CENPE: variants seen among roughly 807,000 people sequenced by gnomAD.
The protein encoded by CENPE is centromere-associated protein E.
In CENPE, 145 loss-of-function variants were observed where a neutral mutation model predicts 336.1. The ratio of observed to expected loss-of-function variants is 0.43; its 90% CI spans 0.38 to 0.50. The LOEUF (loss-of-function observed/expected upper bound fraction) is 0.50. Among genes scored for constraint, CENPE ranks in the 20% least tolerant of loss-of-function variants. The pLI is 0.00. For synonymous variants in CENPE, 1,013 were observed against 984.8 expected, an observed-to-expected ratio of 1.03 and a Z score of -0.54; for missense variants, 2,719 against 3,023.3, an observed-to-expected ratio of 0.90 and a Z score of 2.36.
At chr4:103,163,424 G>T (rs553104229) in intron 17 of CENPE, 55 bp downstream of exon 17, 1 of 1,328,648 alleles carries the variant, frequency 7.5e-7, no homozygotes, top group Non-Finnish European at 1.1e-6. Flanking sequence ...TACATATGTT[G>T]CATGTTTTAT....
chr4:103,171,969 G>A (rs1578655866), intron 16 of CENPE, among the ~76,000 whole-genome samples: 1 of 151,928 alleles, frequency 6.6e-6, no homozygotes, highest in African/African-American at 2.4e-5. Context: ...ACTTGAATCA[G>A]TAATAAAAAG....
intron 46 of CENPE, among the ~76,000 whole-genome samples, chr4:103,111,448 A>G (rs72944921): frequency 0.01 from 1,552 of 152,290 alleles, 29 homozygotes; most frequent in African/African-American, 0.035. Context: ...AATACATATT[A>G]TTAACTAAAT....
intron 14 of CENPE, among the ~76,000 whole-genome samples, chr4:103,176,259 G>A (rs922635628): frequency 2.0e-5 from 3 of 152,104 alleles, no homozygotes; most frequent in African/African-American, 7.2e-5. Context: ...TGGAATTAGT[G>A]ACACAATACA....
In CENPE at chr4:103,151,284, T is replaced by C. The variant is rs767449693; in HGVS notation, c.3331A>G (p.Lys1111Glu). The change falls in exon 26 of 49, where the codon AAA becomes GAA. Residue 1111 changes from lysine to glutamate, a missense_variant. Lys to Glu is a moderately conservative substitution (Grantham distance 56, BLOSUM62 1). Around this residue, in one of 5 missense-constraint regions of CENPE, gnomAD observed 2,437 missense variants for 2,513.3 expected, o/e 0.97. Transcript: ENST00000265148. ...CAGGTCCTAGAAAGCTCTCCTTCTT[T>C]CTTTATGGCATGGTTCTTTTCTTGT... ...VAQEKNHAIK[K>E]EGELSRTCDR... is the part of the protein sequence containing the mutation. 9.3e-6 allele frequency: 15 copies of C among 1,607,040 alleles called. No individual in the cohort carries two copies. In the East Asian group the frequency reaches 2.2e-4, roughly 24 times the overall value.
At position 103,145,655 on chromosome 4, in the gene CENPE, T is replaced by G; in HGVS notation, c.4440A>C (p.Lys1480Asn). The change falls in exon 31 of 49, where the codon AAA becomes AAC. Residue 1480 changes from lysine to asparagine, a missense_variant. By Grantham distance (94) the Lys-to-Asn change is moderately conservative. Coordinates refer to ENST00000265148, the MANE Select transcript of CENPE (RefSeq NM_001813.3). Reference sequence around the variant, plus strand: ...GTTCTTTCAGGCAACAATGAGCAACTTTAAGTTCCTCTTCAGTTTCCAGGT... The same window carrying G: ...GTTCTTTCAGGCAACAATGAGCAACGTTAAGTTCCTCTTCAGTTTCCAGGT... Reference protein sequence around the residue: ...AKHLETEEELKVAHCCLKEQE... With the variant: ...AKHLETEEELNVAHCCLKEQE... 6.2e-7 allele frequency: 1 copy of G among 1,600,870 alleles called. No homozygotes were observed.
At chr4:103,156,742 A>T (rs1256053395) in intron 24 of CENPE, among the ~76,000 whole-genome samples, 5 of 152,146 alleles carry the variant, frequency 3.3e-5, no homozygotes, top group African/African-American at 1.2e-4. Context: ...ACTACATTGA[A>T]ATTAAAAACT....
chr4:103,166,413 T>G (rs1754925170), intron 16 of CENPE, among the ~76,000 whole-genome samples: 1 of 152,230 alleles, frequency 6.6e-6, no homozygotes, highest in Non-Finnish European at 1.5e-5. Flanking sequence ...CTAGTTTTAT[T>G]GATTAAAGTC....
At position 103,108,823 on chromosome 4, in the gene CENPE, G is replaced by C; in HGVS notation, c.7991C>G (p.Ser2664Ter). The change falls in exon 48 of 49, where the codon TCA becomes TGA. Residue 2664 changes from serine (S) to a stop codon, truncating the protein, a stop_gained. Transcript: ENST00000265148. LOFTEE classifies it low-confidence loss of function (END_TRUNC). Reference sequence around the variant, plus strand: ...CTTACCTGGACAAAGGCCTAAACTTGAGTTATCAAAATAGCGAACTGGATG... The same window carrying C: ...CTTACCTGGACAAAGGCCTAAACTTCAGTTATCAAAATAGCGAACTGGATG... ...SPHPVRYFDN[S>*]SLGLCPEVQN... 5 of 1,613,586 alleles carry C rather than the reference G, an allele frequency of 3.1e-6. No homozygotes were observed. Among genetic ancestry groups the C allele is most frequent in the Non-Finnish European group, 4.2e-6 (5 of 1,179,712 alleles).
At chr4:103,171,352 AATT>A (rs1755394108) in intron 16 of CENPE, among the ~76,000 whole-genome samples, 4 of 152,124 alleles carry the variant, frequency 2.6e-5, no homozygotes, top group Admixed American at 2.6e-4. Flanking sequence ...TAAAACTAGA[AATT>A]AATAATAGCA....
chr4:103,179,865 C>CA (rs1436296305), intron 13 of CENPE, among the ~76,000 whole-genome samples: 3 of 152,134 alleles, frequency 2.0e-5, no homozygotes, highest in Admixed American at 6.5e-5. Flanking sequence ...TAAAAACAAA[C>CA]AAAAAATCAC....
Position 103,139,772 on chromosome 4 carries a change from G to A in CENPE, c.6204+17C>T. 2 of 1,567,514 alleles carry A rather than the reference G, an allele frequency of 1.3e-6. No homozygotes were observed. The highest frequency in any genetic ancestry group is 1.7e-6 in the Non-Finnish European group (2 of 1,162,166). On this transcript the variant is annotated intron_variant, in intron 38 of 48. Transcript: ENST00000265148. ...TCTTATTAATAGTTACTACACAAAG[G>A]AAGACTCTGAACTCACTCTAGCTAT...
chr4:103,133,922 A>G (rs745346087), intron 40 of CENPE, 30 bp from the exon 41 acceptor site: 4 of 1,449,118 alleles, frequency 2.8e-6, no homozygotes, highest in Non-Finnish European at 3.8e-6. Flanking sequence ...CAAATTGGTA[A>G]ATGAAAATTT....
At chr4:103,136,712 T>C (rs1033184775) in intron 39 of CENPE, among the ~76,000 whole-genome samples, 4 of 152,222 alleles carry the variant, frequency 2.6e-5, no homozygotes, top group African/African-American at 9.6e-5. Context: ...TAAGTATGTA[T>C]TGTAGTTCAT....
intron 8 of CENPE, among the ~76,000 whole-genome samples, chr4:103,189,540 C>G (rs563138627): frequency 6.6e-6 from 1 of 152,226 alleles, no homozygotes; most frequent in South Asian, 2.1e-4. Flanking sequence ...AAGACAAAAA[C>G]CACATGATTA....
rs1750009549 is a variant in CENPE, at chr4:103,115,450, A to T, written c.7443-898T>A. Among the ~76,000 whole-genome samples the T allele has an allele frequency of 2.0e-5, 3 of 152,020 alleles. No individual in the cohort carries two copies. The South Asian group carries it at 6.2e-4, about 32-fold the overall frequency. On this transcript the variant is annotated intron_variant, in intron 45 of 48. Transcript: ENST00000265148. ...TGCCCGGCCCTGCTGACCCTATTCT[A>T]CAAGTAAAATTGTTTTTATAATTAA...
chr4:103,136,746 T>C (rs1752103887), intron 39 of CENPE, among the ~76,000 whole-genome samples: 1 of 152,224 alleles, frequency 6.6e-6, no homozygotes, highest in Non-Finnish European at 1.5e-5. Context: ...TTTATGTTTA[T>C]AGTAGGCAGT....
At chr4:103,189,677 G>A (rs773253995) in intron 8 of CENPE, among the ~76,000 whole-genome samples, 1 of 152,152 alleles carries the variant, frequency 6.6e-6, no homozygotes, top group South Asian at 2.1e-4. Flanking sequence ...AAACCCACAG[G>A]CAATATCATA....
At chr4:103,148,296 G>A (rs1465602613) in intron 28 of CENPE, among the ~76,000 whole-genome samples, 3 of 152,080 alleles carry the variant, frequency 2.0e-5, no homozygotes, top group African/African-American at 7.2e-5. Flanking sequence ...CCCAATAAAT[G>A]TATGATCTCC....
In CENPE at chr4:103,144,540, T is replaced by C. The variant is rs116425040; in HGVS notation, c.4936A>G (p.Ile1646Val). The C allele has an allele frequency of 8.9e-5, 143 of 1,613,460 alleles. 1 individual carries two copies. In the East Asian group the frequency reaches 3.1e-3, roughly 35 times the overall value. The change falls in exon 33 of 49, where the codon ATA becomes GTA. Residue 1646 changes from isoleucine (I) to valine (V), a missense_variant. This residue lies in a region of CENPE where 2,437 missense variants were observed against 2,513.3 expected (regional missense o/e 0.97). Coordinates refer to ENST00000265148, the MANE Select transcript of CENPE (RefSeq NM_001813.3). Reference sequence around the variant, plus strand: ...TCAAATTGCTCCTTCAAGTGTTCTATTTCACACATTTTCTCCTGAGTCTCA... The same window carrying C: ...TCAAATTGCTCCTTCAAGTGTTCTACTTCACACATTTTCTCCTGAGTCTCA... ...VNETQEKMCE[I>V]EHLKEQFETQ...
Sources: allele counts gnomAD v4.1 joint callset (sites outside exome capture counted in the v4.1 genomes callset), GRCh38; gene constraint gnomAD v4.1.1; regional missense constraint gnomAD v4.1.1; transcripts MANE v1.5; gene names NCBI Gene and HGNC (gene_info 2026-07-23, HGNC 2026-07-21).